The following SACM1L variants were observed in gnomAD, a reference collection of about 807,000 sequenced individuals.
The protein encoded by SACM1L is phosphatidylinositol-3-phosphatase SAC1.
In SACM1L, 32 loss-of-function variants were observed where a neutral mutation model predicts 89.5. That is an observed-to-expected ratio of 0.36 (90% CI 0.27 to 0.48). SACM1L has a LOEUF of 0.48. SACM1L is among the 20% of genes least tolerant of loss of function. The pLI is 0.99. For synonymous variants in SACM1L, 213 were observed against 232.8 expected, an observed-to-expected ratio of 0.92 and a Z score of 0.77; for missense variants, 543 against 708.5, an observed-to-expected ratio of 0.77 and a Z score of 2.65.
In SACM1L at chr3:45,689,492, G is replaced by A; in HGVS notation, c.27G>A (p.Leu9=). 1 of 1,580,414 alleles carries A rather than the reference G, an allele frequency of 6.3e-7. No homozygotes were observed. Among genetic ancestry groups the A allele is most frequent in the Non-Finnish European group, 8.6e-7 (1 of 1,164,284 alleles). Residue 9 remains leucine (L), a synonymous_variant, in exon 1 of 20, where the codon CTG becomes CTA. Coordinates refer to ENST00000389061, the MANE Select transcript of SACM1L (RefSeq NM_014016.5). ...TGGCGACGGCGGCCTACGAGCAGCT[G>A]AAGCTGTGAGTCCCACGGGCCAGAG... is the stretch of plus-strand genomic sequence containing the variant. MATAAYEQ[L]KLHITPEKFY...
intron 2 of SACM1L, among the ~76,000 whole-genome samples, chr3:45,703,918 A>G (rs1698329728): frequency 6.6e-6 from 1 of 152,186 alleles, no homozygotes; most frequent in African/African-American, 2.4e-5. Flanking sequence ...TGGAATTTTA[A>G]CAGCTACTTT....
At position 45,743,594 on chromosome 3, in the gene SACM1L, A is replaced by C. The variant is rs1394478919; in HGVS notation, c.1689A>C (p.Thr563=). The C allele has an allele frequency of 6.8e-6, 11 of 1,614,064 alleles. No homozygotes were observed. The highest frequency in any genetic ancestry group is 9.3e-6 in the Non-Finnish European group (11 of 1,180,000). The part of the protein sequence containing the change: ...VLFWGVASIG[T]FFIILYNGKD... ...TCTGGGGAGTTGCAAGCATTGGAAC[A>C]TTTTTTATCATTCTTTACAATGGCA... Residue 563 remains threonine (T), a synonymous_variant, in exon 20 of 20, where the codon ACA becomes ACC. Transcript: ENST00000389061.
At chr3:45,735,434 A>G in intron 14 of SACM1L, 61 bp downstream of exon 14, 2 of 1,455,496 alleles carry the variant, frequency 1.4e-6, no homozygotes, top group Non-Finnish European at 1.8e-6. Context: ...AAACATCTTT[A>G]AAACCCAGTA....
intron 13 of SACM1L, chr3:45,734,971 TCTTAA>T (rs544159057): frequency 8.7e-5 from 31 of 356,716 alleles, no homozygotes; most frequent in Middle Eastern, 1.5e-3. Context: ...TTTTTAATAC[TCTTAA>T]CTTTACTTTT....
intron 1 of SACM1L, among the ~76,000 whole-genome samples, chr3:45,699,332 TA>T (rs1236235154): frequency 3.3e-5 from 5 of 150,914 alleles, no homozygotes; most frequent in Non-Finnish European, 5.9e-5. Context: ...ATGGTAAAAA[TA>T]AAAAAATAAA....
chr3:45,693,455 GA>G (rs1169570908), intron 1 of SACM1L, among the ~76,000 whole-genome samples: 1 of 152,192 alleles, frequency 6.6e-6, no homozygotes, highest in African/African-American at 2.4e-5. Flanking sequence ...TCGTTTTGAA[GA>G]AACACAGCTT....
Position 45,743,706 on chromosome 3 carries a change from T to G in SACM1L, c.*37T>G, listed in dbSNP as rs749306702. On this transcript the variant is annotated 3_prime_UTR_variant, in exon 20 of 20. Transcript: ENST00000389061. ...TGGAAAGCGGCTTGGCTTGGAAGAT[T>G]CCATTGTGCAGAACTGGAGTCTTTA... The G allele has an allele frequency of 6.2e-7, 1 of 1,600,534 alleles. No homozygotes were observed. The highest frequency in any genetic ancestry group is 1.3e-5 in the African/African-American group (1 of 74,556).
In SACM1L at chr3:45,744,696, T is replaced by A. The variant is rs1559555483; in HGVS notation, c.*1027T>A. 1 of 152,676 alleles carries A rather than the reference T, an allele frequency of 6.5e-6. No individual in the cohort carries two copies. The highest frequency in any genetic ancestry group is 1.5e-5 in the Non-Finnish European group (1 of 68,042). 9.5% of individuals were successfully genotyped at this position (152,676 alleles called of 1,614,324 possible). ...TAGTACTCCAAATCAAGGACCAACT[T>A]AAACGTTAATTTTTGTGCAAAAACA... On this transcript the variant is annotated 3_prime_UTR_variant, in exon 20 of 20. Coordinates refer to ENST00000389061, the MANE Select transcript of SACM1L (RefSeq NM_014016.5).
intron 11 of SACM1L, chr3:45,730,780 C>T (rs1699034432): frequency 6.6e-6 from 1 of 152,290 alleles, no homozygotes; most frequent in African/African-American, 2.4e-5. Flanking sequence ...TATTGTATGT[C>T]TCCATCCAGA....
At chr3:45,696,305 CCTTT>C (rs1490613481) in intron 1 of SACM1L, among the ~76,000 whole-genome samples, 4 of 152,108 alleles carry the variant, frequency 2.6e-5, no homozygotes, top group Non-Finnish European at 4.4e-5. Context: ...CCCAGAATTT[CCTTT>C]CTAAGGCTGA....
chr3:45,711,574 C>T (rs185262167), intron 5 of SACM1L, among the ~76,000 whole-genome samples: 332 of 151,818 alleles, frequency 2.2e-3, no homozygotes, highest in African/African-American at 7.4e-3. Flanking sequence ...GTGCTGTCAT[C>T]ACGCCACTGC....
At position 45,738,074 on chromosome 3, in the gene SACM1L, C is replaced by T. The variant is rs537742726; in HGVS notation, c.1382+230C>T. 8.3e-4 allele frequency among the ~76,000 whole-genome samples: 127 copies of T among 152,270 alleles called. 1 individual carries two copies. The Middle Eastern group carries it at 0.014, about 16-fold the overall frequency. ...ATGCTTGGGGAGGGTTGAGAGCCAC[C>T]GCTCCACAGTGCTCCTCAGACCTTA... On this transcript the variant is annotated intron_variant, in intron 16 of 19. Coordinates refer to ENST00000389061, the MANE Select transcript of SACM1L (RefSeq NM_014016.5).
chr3:45,739,670 CTTAG>C (rs1269195064), intron 19 of SACM1L, 26 bp downstream of exon 19: 2 of 1,608,096 alleles, frequency 1.2e-6, no homozygotes, highest in Middle Eastern at 1.7e-4. Context: ...ACATTTGTTT[CTTAG>C]TTAGAATGTT....
chr3:45,694,102 A>G (rs1240881413), intron 1 of SACM1L, among the ~76,000 whole-genome samples: 2 of 152,216 alleles, frequency 1.3e-5, no homozygotes, highest in African/African-American at 4.8e-5. Context: ...CAAGCTCATA[A>G]TAACTTTCTA....
In SACM1L at chr3:45,689,408, G is replaced by C; in HGVS notation, c.-58G>C. The stretch of plus-strand genomic sequence containing the variant: ...CAGGGTGACCGGTAGAGTTGTAGCC[G>C]AGGTGGCGGCGCGGGGCGGGGCGGG... On this transcript the variant is annotated 5_prime_UTR_variant, in exon 1 of 20. Transcript: ENST00000389061. 1.3e-6 allele frequency: 2 copies of C among 1,553,918 alleles called. No individual in the cohort carries two copies. Among genetic ancestry groups the C allele is most frequent in the South Asian group, 1.2e-5 (1 of 84,338 alleles).
At chr3:45,694,700 A>G (rs1042145102) in intron 1 of SACM1L, among the ~76,000 whole-genome samples, 1 of 152,192 alleles carries the variant, frequency 6.6e-6, no homozygotes, top group Non-Finnish European at 1.5e-5. Flanking sequence ...GAAATCTGCA[A>G]GTTTAACTAG....
At chr3:45,739,153 T>A (rs546629885) in intron 18 of SACM1L, among the ~76,000 whole-genome samples, 1 of 152,124 alleles carries the variant, frequency 6.6e-6, no homozygotes, top group African/African-American at 2.4e-5. Flanking sequence ...TTCTCTTACA[T>A]TGAGGGAATT....
chr3:45,723,442 C>T, intron 10 of SACM1L, 33 bp from the exon 11 acceptor site: 2 of 963,516 alleles, frequency 2.1e-6, no homozygotes, highest in East Asian at 2.9e-5. Flanking sequence ...ACATAATGTA[C>T]TCCAGTAAAA....
rs1450771231 is a variant in SACM1L at position 45,719,520 on chromosome 3, T to C, written c.598T>C (p.Ser200Pro). Reference protein sequence around the residue: ...LHGFITMHSCSINGKYFDWIL... With the variant: ...LHGFITMHSCPINGKYFDWIL... ...TTAAGTTATTACCATGCATTCATGT[T>C]CTATTAATGGAAAATACTTTGATTG... The change falls in exon 8 of 20, where the codon TCT becomes CCT. Residue 200 changes from serine (S) to proline (P), a missense_variant. Transcript: ENST00000389061. 4 of 1,606,260 alleles carry C rather than the reference T, an allele frequency of 2.5e-6. No individual in the cohort carries two copies. The highest frequency in any genetic ancestry group is 2.6e-6 in the Non-Finnish European group (3 of 1,174,224).
Sources: gnomAD v4.1 joint callset for allele counts (sites outside exome capture counted in the v4.1 genomes callset) on GRCh38, gnomAD v4.1.1 for gene constraint, MANE v1.5 for transcripts, NCBI Gene and HGNC (gene_info 2026-07-23, HGNC 2026-07-21) for gene names.